HTT: variants seen among roughly 807,000 people sequenced by gnomAD.
HTT encodes huntington disease protein.
A neutral mutation model predicts 362.3 loss-of-function variants in HTT; 104 were observed. That is an observed-to-expected ratio of 0.29 (90% CI 0.24 to 0.34). The LOEUF (loss-of-function observed/expected upper bound fraction) is 0.34, where lower values mean the gene tolerates loss of function less well. HTT is among the 10% of genes least tolerant of loss of function. The pLI, the probability that HTT is intolerant of heterozygous loss-of-function variation, is 1.00. For missense variants in HTT, 3,301 were observed against 3,928.6 expected, an observed-to-expected ratio of 0.84 and a Z score of 4.27; for synonymous variants, 1,577 against 1,548.7, an observed-to-expected ratio of 1.02 and a Z score of -0.43.
intron 49 of HTT, 102 bp downstream of exon 49, chr4:3,212,811 C>A: frequency 1.6e-6 from 2 of 1,218,078 alleles, no homozygotes; most frequent in South Asian, 1.4e-5. Flanking sequence ...GATCTCTGAC[C>A]AGTCCAGTCA....
At chr4:3,192,698 CAG>C (rs1254179192) in intron 40 of HTT, among the ~76,000 whole-genome samples, 2 of 152,224 alleles carry the variant, frequency 1.3e-5, no homozygotes, top group African/African-American at 4.8e-5. Context: ...GAACTGAAAA[CAG>C]AAATGATAAC....
intron 5 of HTT, among the ~76,000 whole-genome samples, chr4:3,106,370 C>T (rs1714423090): frequency 1.3e-5 from 2 of 152,086 alleles, no homozygotes; most frequent in Admixed American, 1.3e-4. Flanking sequence ...AACCAAAATC[C>T]AGAAAAGAAC....
At position 3,182,344 on chromosome 4, in the gene HTT, G is replaced by C. The variant is rs921714425; in HGVS notation, c.4750-10G>C. 3.8e-6 allele frequency: 6 copies of C among 1,577,976 alleles called. No homozygotes were observed. In the African/African-American group the frequency reaches 6.7e-5, roughly 18 times the overall value. ...GGCAGCAGACTTTCTAATTGTGCAC[G>C]CTCTTATAGGTGTTGGAGATGTTCA... On this transcript the variant is annotated splice_polypyrimidine_tract_variant and intron_variant, in intron 36 of 66. Coordinates refer to ENST00000355072, the MANE Select transcript of HTT (RefSeq NM_001388492.1).
intron 61 of HTT, 34 bp from the exon 62 acceptor site, chr4:3,235,250 G>A: frequency 7.0e-7 from 1 of 1,424,188 alleles, no homozygotes; most frequent in Non-Finnish European, 9.9e-7. Flanking sequence ...TTGGATGGGG[G>A]TGGCTGAGCC....
At chr4:3,164,564 T>C (rs1260068620) in intron 29 of HTT, among the ~76,000 whole-genome samples, 2 of 152,140 alleles carry the variant, frequency 1.3e-5, no homozygotes, top group African/African-American at 4.8e-5. Flanking sequence ...GGAGTCTCTT[T>C]GTAGGTCTCT....
chr4:3,086,450 C>G (rs777764687), intron 1 of HTT, among the ~76,000 whole-genome samples: 4 of 152,096 alleles, frequency 2.6e-5, no homozygotes, highest in Admixed American at 2.6e-4. Context: ...ATGGGAAGAT[C>G]GCTTGAGGCC....
At position 3,127,515 on chromosome 4, in the gene HTT, A is replaced by T; in HGVS notation, c.1654A>T (p.Thr552Ser). ...CCCTGCCATGGACCTGAATGATGGG[A>T]CCCAGGCCTCGTCGCCCATCAGCGA... The part of the protein sequence containing the change: ...SDPAMDLNDG[T>S]QASSPISDSS... Residue 552 changes from threonine to serine, a missense_variant, in exon 12 of 67, where the codon ACC (threonine) becomes TCC (serine). Transcript: ENST00000355072. 1 of 1,614,164 alleles carries T rather than the reference A, an allele frequency of 6.2e-7. No individual in the cohort carries two copies. Among genetic ancestry groups the T allele is most frequent in the Non-Finnish European group, 8.5e-7 (1 of 1,180,028 alleles).
At chr4:3,110,735 A>G (rs1714703302) in intron 6 of HTT, among the ~76,000 whole-genome samples, 1 of 152,090 alleles carries the variant, frequency 6.6e-6, no homozygotes, top group African/African-American at 2.4e-5. Context: ...TTAACCTATG[A>G]ATGTACTTTT....
intron 61 of HTT, among the ~76,000 whole-genome samples, 187 bp from the exon 62 acceptor site, chr4:3,235,097 A>G (rs1379219133): frequency 6.6e-6 from 1 of 152,036 alleles, no homozygotes. Flanking sequence ...CCACTCAGGG[A>G]GTGGTCAAGC....
At chr4:3,110,786 T>C (rs1286321580) in intron 6 of HTT, among the ~76,000 whole-genome samples, 1 of 152,166 alleles carries the variant, frequency 6.6e-6, no homozygotes, top group Non-Finnish European at 1.5e-5. Context: ...AAGTGCTAGG[T>C]ACTTAGTAGG....
chr4:3,145,258 G>T (rs369025149), intron 24 of HTT, 30 bp downstream of exon 24: 6 of 1,380,608 alleles, frequency 4.3e-6, no homozygotes, highest in East Asian at 2.3e-5. Context: ...TATATTAATA[G>T]TTGTCTACAA....
chr4:3,194,373 TACA>T (rs1218638884), intron 40 of HTT, among the ~76,000 whole-genome samples: 2 of 152,230 alleles, frequency 1.3e-5, no homozygotes, highest in African/African-American at 4.8e-5. Flanking sequence ...TCCTCCTGTT[TACA>T]ACATTTGGGG....
In HTT at chr4:3,218,034, G is replaced by A. The variant is rs768088900; in HGVS notation, c.7242+82G>A. On this transcript the variant is annotated intron_variant, in intron 52 of 66. Transcript: ENST00000355072. The surrounding 1 kb of genome is among the most constrained non-coding windows in gnomAD (Gnocchi z 4.4). ...CTGGGCTGGGCACACGTGAGAGGGC[G>A]GGACAGAATCCCCGCAGCCCAGAGG... The A allele has an allele frequency of 3.9e-5, 48 of 1,228,074 alleles. No individual in the cohort carries two copies. The highest frequency in any genetic ancestry group is 6.0e-5 in the African/African-American group (4 of 66,280). The allele number at this position is 1,228,074 out of a possible 1,614,324, so 76.1% of individuals were successfully genotyped here. A position where few individuals can be genotyped will look rare whatever the true frequency, so the allele number is the denominator to read the frequency against.
intron 29 of HTT, among the ~76,000 whole-genome samples, chr4:3,166,702 G>A (rs551497913): frequency 3.0e-4 from 46 of 152,348 alleles, no homozygotes; most frequent in South Asian, 2.1e-4. Flanking sequence ...AGAGTGCTGC[G>A]CTAGCAGTGA....
At chr4:3,151,397 A>AGAGGGAGAGAGGAGGGAG in intron 26 of HTT, among the ~76,000 whole-genome samples, 1 of 151,960 alleles carries the variant, frequency 6.6e-6, no homozygotes, top group Non-Finnish European at 1.5e-5. Flanking sequence ...AGAAAGATTG[A>AGAGGGAGAGAGGAGGGAG]GAGGGAGAGA....
At chr4:3,203,390 G>T (rs568010355) in intron 41 of HTT, among the ~76,000 whole-genome samples, 2 of 152,228 alleles carry the variant, frequency 1.3e-5, no homozygotes, top group African/African-American at 4.8e-5. Flanking sequence ...GGCAGTTTGG[G>T]AGTGTGTCAA....
At chr4:3,166,315 C>T (rs1037681470) in intron 29 of HTT, among the ~76,000 whole-genome samples, 1 of 152,168 alleles carries the variant, frequency 6.6e-6, no homozygotes, top group African/African-American at 2.4e-5. Context: ...AGGTGTCTGC[C>T]TGTATGAGGT....
chr4:3,242,440 C>G lies in HTT; in HGVS notation c.*2381C>G, dbSNP rs1721849855. 1 of 152,258 alleles carries G rather than the reference C, an allele frequency of 6.6e-6. No individual in the cohort carries two copies. Among genetic ancestry groups the G allele is most frequent in the Admixed American group, 6.5e-5 (1 of 15,290 alleles). The allele number at this position is 152,258 out of a possible 1,614,324, so 9.4% of individuals were successfully genotyped here. A position where few individuals can be genotyped will look rare whatever the true frequency, so the allele number is the denominator to read the frequency against. ...CATCTATAATTTTACACACACACCTCTCAAGACGGAGATGCATGGCCTCTA... is the reference window on the plus strand; with the variant it reads ...CATCTATAATTTTACACACACACCTGTCAAGACGGAGATGCATGGCCTCTA... On this transcript the variant is annotated 3_prime_UTR_variant, in exon 67 of 67. Transcript: ENST00000355072.
Position 3,239,899 on chromosome 4 carries a change from T to C in HTT, c.9269T>C (p.Leu3090Pro). The change falls in exon 67 of 67, where the codon CTT becomes CCT. Residue 3090 changes from leucine (L) to proline (P), a missense_variant. This residue lies in a region of HTT where 753 missense variants were observed against 1,021.3 expected (regional missense o/e 0.74). Coordinates refer to ENST00000355072, the MANE Select transcript of HTT (RefSeq NM_001388492.1). ...AAGCTGGAGCAGGTGGACGTGAACC[T>C]TTTCTGCCTGGTCGCCACAGACTTC... ...MGKLEQVDVN[L>P]FCLVATDFYR... The C allele has an allele frequency of 6.4e-7, 1 of 1,573,100 alleles. No homozygotes were observed.
Sources: allele counts gnomAD v4.1 joint callset (sites outside exome capture counted in the v4.1 genomes callset), GRCh38; gene constraint gnomAD v4.1.1; regional missense constraint gnomAD v4.1.1; non-coding constraint Gnocchi (gnomAD v3.1); transcripts MANE v1.5; gene names NCBI Gene and HGNC (gene_info 2026-07-23, HGNC 2026-07-21).